Variants in BAZ1A observed in about 807,000 individuals in gnomAD.
BAZ1A encodes bromodomain adjacent to zinc finger domain protein 1A.
BAZ1A carries 50 observed loss-of-function variants against 185.2 expected under a neutral mutation model. That is an observed-to-expected ratio of 0.27 (90% CI 0.22 to 0.34). BAZ1A has a LOEUF of 0.34. BAZ1A is among the 10% of genes least tolerant of loss of function. The pLI, the probability that BAZ1A is intolerant of heterozygous loss-of-function variation, is 1.00. For synonymous variants in BAZ1A, 571 were observed against 615.6 expected (o/e 0.93, Z 1.07); for missense variants, 1,356 against 1,839.9 (o/e 0.74, Z 4.81).
At chr14:34,829,266 T>TGA (rs2042205202) in intron 3 of BAZ1A, among the ~76,000 whole-genome samples, 2 of 65,938 alleles carry the variant, frequency 3.0e-5, no homozygotes, top group African/African-American at 1.2e-4. Context: ...ACTCTGTCTC[T>TGA]GAAAAAAAAA....
At chr14:34,853,551 G>A (rs1351034516) in intron 3 of BAZ1A, among the ~76,000 whole-genome samples, 5 of 152,132 alleles carry the variant, frequency 3.3e-5, no homozygotes, top group African/African-American at 9.7e-5. Context: ...TTGGGAGGCC[G>A]AGGCGGGTGA....
chr14:34,865,014 G>C (rs1053530557), intron 2 of BAZ1A, among the ~76,000 whole-genome samples: 1 of 151,876 alleles, frequency 6.6e-6, no homozygotes, highest in Admixed American at 6.6e-5. Context: ...CTGACCTGGT[G>C]ATCTGCCCAC....
At chr14:34,791,754 G>T (rs1344946652) in intron 12 of BAZ1A, among the ~76,000 whole-genome samples, 1 of 152,126 alleles carries the variant, frequency 6.6e-6, no homozygotes, top group Non-Finnish European at 1.5e-5. Context: ...CAAGTTTCTG[G>T]TCCTAAATCT....
rs1386722473 is a variant in BAZ1A, at chr14:34,875,340, G to A, written c.-261C>T. 1 of 456,092 alleles carries A rather than the reference G, an allele frequency of 2.2e-6. No homozygotes were observed. The highest frequency in any genetic ancestry group is 6.9e-5 in the East Asian group (1 of 14,390). The allele number at this position is 456,092 out of a possible 1,614,324, so 28.3% of individuals were successfully genotyped here. On this transcript the variant is annotated 5_prime_UTR_variant, in exon 1 of 27. Coordinates refer to ENST00000360310, the MANE Select transcript of BAZ1A (RefSeq NM_013448.3). ...CTCTCGGAGCTCCTGGGAAGTTTCT[G>A]ATCTACTTTCGGCTCTGAAGGAGGA...
At chr14:34,856,856 T>A (rs2042688329) in intron 3 of BAZ1A, among the ~76,000 whole-genome samples, 1 of 32,232 alleles carries the variant, frequency 3.1e-5, no homozygotes, top group African/African-American at 8.4e-5. Context: ...CGAAACTCGG[T>A]CTCAAAAAAA....
intron 4 of BAZ1A, among the ~76,000 whole-genome samples, chr14:34,814,070 T>C (rs898713708): frequency 2.6e-5 from 4 of 151,158 alleles, no homozygotes; most frequent in South Asian, 4.2e-4. Flanking sequence ...AGAAAATTTA[T>C]TGAAATAAAG....
chr14:34,783,071 ATTCT>A (rs769926263), intron 16 of BAZ1A, 44 bp downstream of exon 16: 2 of 1,386,436 alleles, frequency 1.4e-6, no homozygotes, highest in Non-Finnish European at 2.0e-6. Flanking sequence ...TCTGGTTTTT[ATTCT>A]TTATGTATGG....
chr14:34,801,282 T>C (rs1484240737), intron 7 of BAZ1A, 89 bp from the exon 8 acceptor site: 3 of 866,468 alleles, frequency 3.5e-6, no homozygotes, highest in Non-Finnish European at 5.4e-6. Flanking sequence ...ACACTTTCTT[T>C]ATACTAAAAT....
At chr14:34,758,115 CAAA>C (rs1192197844) in intron 25 of BAZ1A, among the ~76,000 whole-genome samples, 5 of 62,384 alleles carry the variant, frequency 8.0e-5, no homozygotes, top group African/African-American at 1.5e-4. Flanking sequence ...GACCCTGTCT[CAAA>C]AAAAAAAAAA....
At chr14:34,823,241 G>C (rs1261034819) in intron 4 of BAZ1A, among the ~76,000 whole-genome samples, 2 of 152,044 alleles carry the variant, frequency 1.3e-5, no homozygotes, top group African/African-American at 4.8e-5. Context: ...TGTAGTCTCA[G>C]CTACTCAGGA....
intron 21 of BAZ1A, 147 bp from the exon 22 acceptor site, chr14:34,765,415 A>AAG: frequency 1.0e-6 from 1 of 981,234 alleles, no homozygotes; most frequent in South Asian, 1.8e-5. Context: ...GATATTAAAA[A>AAG]CAAAAATCTC....
chr14:34,815,336 A>G (rs914059230), intron 4 of BAZ1A, among the ~76,000 whole-genome samples: 5 of 152,252 alleles, frequency 3.3e-5, no homozygotes, highest in Non-Finnish European at 7.3e-5. Context: ...TTCTTATAAT[A>G]TGAATTCACC....
chr14:34,826,269 C>CCTG, intron 3 of BAZ1A, 113 bp from the exon 4 acceptor site: 4 of 1,015,590 alleles, frequency 3.9e-6, no homozygotes, highest in South Asian at 3.3e-5. Context: ...GAGGCTATAG[C>CCTG]TGATTGATTT....
In BAZ1A at chr14:34,839,671, G is replaced by A. The variant is rs981253652; in HGVS notation, c.393-13515C>T. 7.3e-5 allele frequency among the ~76,000 whole-genome samples: 11 copies of A among 151,036 alleles called. No individual in the cohort carries two copies. In the South Asian group the frequency reaches 8.3e-4, roughly 11 times the overall value. ...ATCCTGGCTAACATGGAGAAACCCC[G>A]TCTCTACTAAAAATACAAAAAATTA... On this transcript the variant is annotated intron_variant, in intron 3 of 26. Coordinates refer to ENST00000360310, the MANE Select transcript of BAZ1A (RefSeq NM_013448.3).
chr14:34,791,991 A>G (rs1252220773), intron 12 of BAZ1A, among the ~76,000 whole-genome samples: 3 of 152,226 alleles, frequency 2.0e-5, no homozygotes, highest in African/African-American at 7.2e-5. Context: ...ATCTAGTTCA[A>G]ACTCAGAAGT....
intron 3 of BAZ1A, among the ~76,000 whole-genome samples, 200 bp downstream of exon 3, chr14:34,861,842 GTA>G (rs1322908260): frequency 1.3e-5 from 2 of 152,116 alleles, no homozygotes; most frequent in Non-Finnish European, 2.9e-5. Context: ...ACGCATGCAC[GTA>G]TATGTTTTTG....
intron 23 of BAZ1A, among the ~76,000 whole-genome samples, chr14:34,763,732 A>G (rs1339580329): frequency 6.6e-6 from 1 of 152,188 alleles, no homozygotes. Context: ...TTGTTAGCAT[A>G]TTTTAGCAAT....
At chr14:34,816,856 C>T in intron 4 of BAZ1A, 1 of 447,976 alleles carries the variant, frequency 2.2e-6, no homozygotes, top group South Asian at 1.6e-5. Flanking sequence ...ACAGGGGAAA[C>T]CTGTATCAAG....
intron 3 of BAZ1A, among the ~76,000 whole-genome samples, chr14:34,860,544 A>C (rs1348650291): frequency 2.0e-5 from 3 of 151,272 alleles, no homozygotes; most frequent in Non-Finnish European, 4.4e-5. Flanking sequence ...AAGCAAAAAA[A>C]AAAAACAAAA....
Sources: gnomAD v4.1 joint callset for allele counts (sites outside exome capture counted in the v4.1 genomes callset) on GRCh38, gnomAD v4.1.1 for gene constraint, MANE v1.5 for transcripts, NCBI Gene and HGNC (gene_info 2026-07-23, HGNC 2026-07-21) for gene names.